Variants in FAM227B observed in about 807,000 individuals in gnomAD.
FAM227B encodes the protein protein FAM227B.
Under a neutral mutation model 73.8 loss-of-function variants are expected in FAM227B, and 88 were observed. The observed-to-expected ratio is 1.19, with a 90% CI of 1.00 to 1.42. The LOEUF is 1.42. Ranked by LOEUF, FAM227B falls within the 40% of genes most tolerant of loss-of-function variation. The pLI is 0.00. For synonymous variants in FAM227B, 210 were observed against 190.5 expected (o/e 1.10, Z -0.84); for missense variants, 632 against 590.9 (o/e 1.07, Z -0.72).
intron 3 of FAM227B, among the ~76,000 whole-genome samples, chr15:49,610,771 A>G (rs933732957): frequency 6.6e-6 from 1 of 152,190 alleles, no homozygotes; most frequent in Non-Finnish European, 1.5e-5. Context: ...ATTTTGCATA[A>G]CAATGGAAAC....
chr15:49,546,906 A>G (rs533060714), intron 9 of FAM227B, among the ~76,000 whole-genome samples: 4 of 152,326 alleles, frequency 2.6e-5, no homozygotes, highest in East Asian at 3.9e-4. Context: ...GCAGGCCAAC[A>G]TTCAAATTCA....
chr15:49,546,092 A>G (rs1303119992), intron 9 of FAM227B, among the ~76,000 whole-genome samples: 3 of 151,938 alleles, frequency 2.0e-5, no homozygotes, highest in African/African-American at 7.3e-5. Flanking sequence ...ATATCTCCCA[A>G]TGCTATCCGT....
intron 11 of FAM227B, among the ~76,000 whole-genome samples, chr15:49,439,525 G>T (rs1318096214): frequency 6.6e-6 from 1 of 151,706 alleles, no homozygotes; most frequent in Admixed American, 6.6e-5. Context: ...CATGGTTTTT[G>T]CATCTGAAGA....
At chr15:49,532,875 T>C (rs1458421999) in intron 10 of FAM227B, among the ~76,000 whole-genome samples, 1 of 151,992 alleles carries the variant, frequency 6.6e-6, no homozygotes, top group East Asian at 1.9e-4. Context: ...TACAAATATT[T>C]GTAGGTAGAA....
intron 9 of FAM227B, among the ~76,000 whole-genome samples, chr15:49,543,173 A>G (rs1445383523): frequency 6.6e-6 from 1 of 151,986 alleles, no homozygotes; most frequent in African/African-American, 2.4e-5. Context: ...AACATATATT[A>G]TTTTTGGATT....
chr15:49,556,546 T>C (rs1483279000), intron 9 of FAM227B, among the ~76,000 whole-genome samples: 7 of 152,206 alleles, frequency 4.6e-5, no homozygotes, highest in Admixed American at 4.6e-4. Flanking sequence ...GAACTCTTGA[T>C]GGCCAGGCAC....
intron 10 of FAM227B, among the ~76,000 whole-genome samples, chr15:49,514,640 A>G (rs1396592872): frequency 1.3e-5 from 2 of 152,068 alleles, no homozygotes; most frequent in African/African-American, 4.8e-5. Flanking sequence ...AGCTCTTCAT[A>G]TGTCTCAATA....
intron 3 of FAM227B, among the ~76,000 whole-genome samples, chr15:49,593,602 C>T (rs1327476009): frequency 1.3e-5 from 2 of 151,718 alleles, no homozygotes; most frequent in Non-Finnish European, 2.9e-5. Flanking sequence ...CGAACCCTTC[C>T]CCCAAGTCCC....
intron 10 of FAM227B, among the ~76,000 whole-genome samples, chr15:49,536,072 C>CAAAAAAAAAAAAAAAAGAAAAAAAA (rs2070197385): frequency 3.5e-5 from 4 of 114,012 alleles, no homozygotes; most frequent in Non-Finnish European, 7.3e-5. Context: ...GGCAATCAGA[C>CAAAAAAAAAAAAAAAAGAAAAAAAA]AAAAAAAAAA....
chr15:49,598,389 T>C (rs1193283423), intron 3 of FAM227B, among the ~76,000 whole-genome samples: 16 of 152,018 alleles, frequency 1.1e-4, no homozygotes, highest in Non-Finnish European at 2.9e-5. Flanking sequence ...TATACAAAAT[T>C]ATGTTATCTG....
chr15:49,475,101 C>A (rs1051084914), intron 11 of FAM227B, among the ~76,000 whole-genome samples: 1 of 152,050 alleles, frequency 6.6e-6, no homozygotes, highest in South Asian at 2.1e-4. Context: ...ATTGGTTACA[C>A]AAAAATTGAT....
chr15:49,602,609 A>G (rs902558212), intron 3 of FAM227B, among the ~76,000 whole-genome samples: 2 of 152,030 alleles, frequency 1.3e-5, no homozygotes, highest in Non-Finnish European at 2.9e-5. Flanking sequence ...TCTTCACTTT[A>G]CTGGTGGTCT....
chr15:49,620,167 C>T (rs1267041464), intron 1 of FAM227B: 1 of 152,190 alleles, frequency 6.6e-6, no homozygotes, highest in African/African-American at 2.4e-5. Context: ...ATTGACCACT[C>T]CATTCTCAGC....
At chr15:49,602,260 A>C (rs1036555177) in intron 3 of FAM227B, among the ~76,000 whole-genome samples, 1 of 152,200 alleles carries the variant, frequency 6.6e-6, no homozygotes, top group Non-Finnish European at 1.5e-5. Context: ...CATCCCCACC[A>C]ACAGTGTATG....
At position 49,568,029 on chromosome 15, in the gene FAM227B, T is replaced by A. The variant is rs560711297; in HGVS notation, c.747+216A>T. ...TAATATGCAAACAAAGTTCCTGTAG[T>A]CACTAAGGAGATTATGTAAGACCTT... On this transcript the variant is annotated intron_variant, in intron 9 of 15. Coordinates refer to ENST00000299338, the MANE Select transcript of FAM227B (RefSeq NM_152647.3). Among the ~76,000 whole-genome samples the A allele has an allele frequency of 3.9e-5, 6 of 152,142 alleles. No homozygotes were observed. In the South Asian group the frequency reaches 1.2e-3, roughly 32 times the overall value.
At chr15:49,501,424 C>G (rs2058122502) in intron 11 of FAM227B, among the ~76,000 whole-genome samples, 1 of 152,172 alleles carries the variant, frequency 6.6e-6, no homozygotes, top group Admixed American at 6.5e-5. Flanking sequence ...TGCATTGTTT[C>G]CCTGCCCTAG....
chr15:49,339,741 C>T (rs1297569524), intron 13 of FAM227B, among the ~76,000 whole-genome samples: 2 of 152,206 alleles, frequency 1.3e-5, no homozygotes, highest in Non-Finnish European at 2.9e-5. Context: ...CCTTGCCCCA[C>T]GTGCTCTGTC....
chr15:49,509,622 G>A (rs2058838511), intron 10 of FAM227B, among the ~76,000 whole-genome samples: 1 of 148,380 alleles, frequency 6.7e-6, no homozygotes, highest in African/African-American at 2.5e-5. Flanking sequence ...GCCACTGGTT[G>A]ATATCTGACT....
At chr15:49,389,617 A>G (rs2047084167) in intron 11 of FAM227B, among the ~76,000 whole-genome samples, 1 of 151,450 alleles carries the variant, frequency 6.6e-6, no homozygotes. Flanking sequence ...AAAAAAAACC[A>G]TTGTACCTCA....
Sources: gnomAD v4.1 joint callset for allele counts (sites outside exome capture counted in the v4.1 genomes callset) on GRCh38, gnomAD v4.1.1 for gene constraint, MANE v1.5 for transcripts, NCBI Gene and HGNC (gene_info 2026-07-23, HGNC 2026-07-21) for gene names.